Variants in XPC observed in about 807,000 individuals in gnomAD.
The protein encoded by XPC is XPC complex subunit, DNA damage recognition and repair factor, also known as DNA repair protein complementing XP-C cells.
In XPC, 76 loss-of-function variants were observed where a neutral mutation model predicts 95.8. The ratio of observed to expected loss-of-function variants is 0.79; its 90% CI spans 0.66 to 0.96. The LOEUF is 0.96. XPC is among the 40% of genes least tolerant of loss of function. The probability of loss-of-function intolerance (pLI) is 0.00; values close to 1 mark genes in which losing one functional copy is unlikely to be tolerated. For synonymous variants in XPC, 442 were observed against 442.1 expected (o/e 1.00, Z 0.00); for missense variants, 1,146 against 1,179.8 (o/e 0.97, Z 0.42).
intron 1 of XPC, among the ~76,000 whole-genome samples, chr3:14,175,017 G>C (rs185171288): frequency 2.4e-4 from 36 of 152,134 alleles, no homozygotes; most frequent in Non-Finnish European, 4.0e-4. Flanking sequence ...GATTTAATAA[G>C]AACACCGGAG....
At chr3:14,146,339 G>A (rs1421929684) in intron 15 of XPC, among the ~76,000 whole-genome samples, 180 bp from the exon 16 acceptor site, 1 of 152,024 alleles carries the variant, frequency 6.6e-6, no homozygotes, top group Non-Finnish European at 1.5e-5. Flanking sequence ...TCCCAGCCTG[G>A]GGTGCATCCA....
At position 14,158,272 on chromosome 3, in the gene XPC, C is replaced by A; in HGVS notation, c.1611G>T (p.Glu537Asp). Residue 537 changes from glutamate (E) to aspartate (D), a missense_variant, in exon 9 of 16, where the codon GAG becomes GAT. Glu to Asp is a conservative substitution (Grantham distance 45). Transcript: ENST00000285021. The surrounding 1 kb of genome is among the most constrained non-coding windows in gnomAD (Gnocchi z 5.2). Reference protein sequence around the residue: ...GIDQWLEVFCEQEEKWVCVDC... With the variant: ...GIDQWLEVFCDQEEKWVCVDC... Reference sequence around the variant, plus strand: ...CTACACATACCCACTTTTCCTCCTGCTCACAGAACACCTCTAGCCACTGGT... The same window carrying A: ...CTACACATACCCACTTTTCCTCCTGATCACAGAACACCTCTAGCCACTGGT... 16 of 1,614,038 alleles carry A rather than the reference C, an allele frequency of 9.9e-6. No individual in the cohort carries two copies. The highest frequency in any genetic ancestry group is 1.4e-5 in the Non-Finnish European group (16 of 1,179,902).
intron 1 of XPC, 23 bp downstream of exon 1, chr3:14,178,443 A>C: frequency 1.3e-6 from 2 of 1,584,148 alleles, no homozygotes; most frequent in South Asian, 1.1e-5. Flanking sequence ...TCTCCCGCGA[A>C]GCCCGCTGGG....
intron 11 of XPC, among the ~76,000 whole-genome samples, chr3:14,151,031 G>A (rs1574952937): frequency 6.6e-6 from 1 of 152,122 alleles, no homozygotes; most frequent in Non-Finnish European, 1.5e-5. Context: ...CTGGGAAGGA[G>A]GCTGTGGCTG....
rs371166697 is a variant in XPC at position 14,147,854 on chromosome 3, C to T, written c.2514+54G>A. 1.2e-5 allele frequency: 18 copies of T among 1,511,102 alleles called. No homozygotes were observed. The African/African-American group carries it at 1.2e-4, about 10-fold the overall frequency. The allele number at this position is 1,511,102 out of a possible 1,614,324, so 93.6% of individuals were successfully genotyped here. A position where few individuals can be genotyped will look rare whatever the true frequency, so the allele number is the denominator to read the frequency against. ...CGGCCTGGGGAAGGAAGAGGCCACCCGCTGAGTGTTGCTTCCCGCTTCTGC... is the reference window on the plus strand; with the variant it reads ...CGGCCTGGGGAAGGAAGAGGCCACCTGCTGAGTGTTGCTTCCCGCTTCTGC... On this transcript the variant is annotated intron_variant, in intron 14 of 15. Coordinates refer to ENST00000285021, the MANE Select transcript of XPC (RefSeq NM_004628.5).
Position 14,154,186 on chromosome 3 carries a change from G to A in XPC, c.2034-1770C>T, listed in dbSNP as rs115002604. Among the ~76,000 whole-genome samples the A allele has an allele frequency of 2.9e-3, 446 of 152,244 alleles. 4 individuals carry two copies. Among genetic ancestry groups the A allele is most frequent in the African/African-American group, 9.9e-3 (410 of 41,524 alleles). ...GAAAGTGGAGACCTTGTGGACTGTC[G>A]GTGAAAATGTAAAATGGGTGCAGCT... On this transcript the variant is annotated intron_variant, in intron 10 of 15. Coordinates refer to ENST00000285021, the MANE Select transcript of XPC (RefSeq NM_004628.5).
intron 1 of XPC, among the ~76,000 whole-genome samples, chr3:14,173,442 CTAAG>C (rs375145892): frequency 3.9e-4 from 60 of 152,282 alleles, no homozygotes; most frequent in African/African-American, 1.3e-3. Flanking sequence ...TAATGTACTC[CTAAG>C]TAAAATGTTA....
chr3:14,160,232 G>A (rs894001030), intron 7 of XPC, among the ~76,000 whole-genome samples: 13 of 152,014 alleles, frequency 8.6e-5, no homozygotes, highest in African/African-American at 1.7e-4. Flanking sequence ...TATGTGTTGC[G>A]TTTGTGACTA....
chr3:14,170,405 A>G (rs750525067), intron 3 of XPC, 33 bp downstream of exon 3: 1 of 1,593,456 alleles, frequency 6.3e-7, no homozygotes, highest in South Asian at 1.1e-5. Context: ...AAACAGAACC[A>G]AACAGTTCTG....
At chr3:14,176,061 ACT>A (rs1559386294) in intron 1 of XPC, among the ~76,000 whole-genome samples, 1 of 152,166 alleles carries the variant, frequency 6.6e-6, no homozygotes, top group African/African-American at 2.4e-5. Flanking sequence ...CCCACTGAAA[ACT>A]CACAGCCACC....
chr3:14,176,786 G>T (rs753922478), intron 1 of XPC, among the ~76,000 whole-genome samples: 1 of 152,144 alleles, frequency 6.6e-6, no homozygotes, highest in African/African-American at 2.4e-5. Flanking sequence ...TCCTTCTACA[G>T]CCTGCATTTT....
intron 9 of XPC, among the ~76,000 whole-genome samples, chr3:14,157,352 G>A (rs142956277): frequency 1.4e-4 from 21 of 152,160 alleles, no homozygotes; most frequent in African/African-American, 3.6e-4. Flanking sequence ...ATAAACCTGC[G>A]ACAAATCTGG....
chr3:14,177,902 T>C (rs975317848), intron 1 of XPC, among the ~76,000 whole-genome samples: 1 of 152,062 alleles, frequency 6.6e-6, no homozygotes, highest in Non-Finnish European at 1.5e-5. Flanking sequence ...ACTGGATGTG[T>C]GGACATAAGA....
intron 3 of XPC, 33 bp from the exon 4 acceptor site, chr3:14,168,413 GTAA>G (rs763614176): frequency 6.2e-7 from 1 of 1,611,752 alleles, no homozygotes; most frequent in East Asian, 2.2e-5. Flanking sequence ...ATCAGTAATA[GTAA>G]TAACAATAAT....
chr3:14,152,642 CTT>C, intron 10 of XPC: 2 of 483,114 alleles, frequency 4.1e-6, no homozygotes, highest in East Asian at 7.4e-5. Context: ...AATCTGCAGC[CTT>C]TGTGCCTTGC....
At chr3:14,163,381 G>C (rs548854248) in intron 7 of XPC, among the ~76,000 whole-genome samples, 1 of 152,188 alleles carries the variant, frequency 6.6e-6, no homozygotes, top group Non-Finnish European at 1.5e-5. Flanking sequence ...AATGGATAGA[G>C]AAAATGTATA....
chr3:14,164,865 A>G lies in XPC; in HGVS notation c.848T>C (p.Leu283Ser). 4 of 1,613,020 alleles carry G rather than the reference A, an allele frequency of 2.5e-6. No homozygotes were observed. The highest frequency in any genetic ancestry group is 3.4e-6 in the Non-Finnish European group (4 of 1,179,484). ...ASEQDNLQTTLERRFAIYSAR... is the reference protein window; with the variant it reads ...ASEQDNLQTTSERRFAIYSAR... ...AGAGTAAATAGCAAATCTCCTTTCC[A>G]ATGTAGTCTGCAGGTTATCTTGTTC... Residue 283 changes from leucine to serine, a missense_variant, in exon 7 of 16, where the codon TTG becomes TCG. Physicochemically the swap from Leu to Ser is moderately radical, Grantham distance 145. Coordinates refer to ENST00000285021, the MANE Select transcript of XPC (RefSeq NM_004628.5).
At chr3:14,148,153 A>T (rs992551772) in intron 13 of XPC, 152 bp from the exon 14 acceptor site, 6 of 666,472 alleles carry the variant, frequency 9.0e-6, no homozygotes, top group Non-Finnish European at 1.5e-5. Flanking sequence ...TCCTCCGTGC[A>T]GAAGGCAGGC....
At chr3:14,146,210 T>A (rs3731175) in intron 15 of XPC, 51 bp from the exon 16 acceptor site, 1 of 1,519,058 alleles carries the variant, frequency 6.6e-7, no homozygotes, top group East Asian at 2.4e-5. Flanking sequence ...AGTAATCAGA[T>A]ACCAGGAAGC....
Sources: allele counts gnomAD v4.1 joint callset (sites outside exome capture counted in the v4.1 genomes callset), GRCh38; gene constraint gnomAD v4.1.1; non-coding constraint Gnocchi (gnomAD v3.1); transcripts MANE v1.5; gene names NCBI Gene and HGNC (gene_info 2026-07-23, HGNC 2026-07-21).